PLCH2: variants seen among roughly 807,000 people sequenced by gnomAD.
The protein encoded by PLCH2 is 1-phosphatidylinositol 4,5-bisphosphate phosphodiesterase eta-2.
Under a neutral mutation model 134.7 loss-of-function variants are expected in PLCH2, and 98 were observed. The ratio of observed to expected loss-of-function variants is 0.73; its 90% CI spans 0.62 to 0.86. The LOEUF is 0.86. Among genes scored for constraint, PLCH2 ranks in the 40% least tolerant of loss-of-function variants. The probability of loss-of-function intolerance (pLI) is 0.00; values close to 1 mark genes in which losing one functional copy is unlikely to be tolerated. For missense variants in PLCH2, 1,994 were observed against 1,986.6 expected (o/e 1.00, Z -0.07); for synonymous variants, 974 against 827.5 (o/e 1.18, Z -3.04).
At position 2,479,815 on chromosome 1, in the gene PLCH2, C is replaced by T; in HGVS notation, c.353C>T (p.Pro118Leu). Residue 118 changes from proline (P) to leucine (L), a missense_variant, in exon 3 of 22, where the codon CCC (proline) becomes CTC (leucine). Physicochemically the swap from Pro to Leu is moderately conservative, Grantham distance 98 (BLOSUM62 -3). Transcript: ENST00000378486. ...FQRYPDGSFD[P>L]NCCFSIYHGS... ...CGCTACCCTGACGGCAGCTTCGACC[C>T]CAACTGCTGCTTCAGCATCTACCAC... 1 of 1,602,256 alleles carries T rather than the reference C, an allele frequency of 6.2e-7. No homozygotes were observed. The highest frequency in any genetic ancestry group is 8.5e-7 in the Non-Finnish European group (1 of 1,175,298).
intron 20 of PLCH2, chr1:2,499,927 G>A (rs1264487709): frequency 3.3e-6 from 2 of 610,226 alleles, no homozygotes; most frequent in Admixed American, 2.6e-5. Context: ...TCTGATCTCA[G>A]GGCTGGCTTT....
chr1:2,477,326 C>T (rs975936135), intron 1 of PLCH2, among the ~76,000 whole-genome samples: 6 of 152,150 alleles, frequency 3.9e-5, no homozygotes, highest in Non-Finnish European at 8.8e-5. Context: ...TGCGTCTTCA[C>T]CTCCCATGTG....
intron 4 of PLCH2, 82 bp downstream of exon 4, chr1:2,480,394 C>G (rs1641899628): frequency 1.4e-6 from 2 of 1,475,084 alleles, no homozygotes; most frequent in African/African-American, 2.8e-5. Context: ...GCCTGCCAGC[C>G]CTGACTGAGC....
intron 1 of PLCH2, among the ~76,000 whole-genome samples, chr1:2,426,984 G>A (rs1638828935): frequency 6.6e-6 from 1 of 152,242 alleles, no homozygotes; most frequent in Non-Finnish European, 1.5e-5. Context: ...GGGGAGGACT[G>A]TGGGCAGCCA....
chr1:2,427,257 G>T (rs991326124), intron 1 of PLCH2, among the ~76,000 whole-genome samples: 3 of 152,176 alleles, frequency 2.0e-5, no homozygotes, highest in African/African-American at 7.2e-5. Flanking sequence ...GCGCCCTGGG[G>T]CCAGGAGGGC....
At chr1:2,493,087 C>G (rs1468743488) in intron 11 of PLCH2, 1 of 152,232 alleles carries the variant, frequency 6.6e-6, no homozygotes, top group Admixed American at 6.5e-5. Flanking sequence ...CCACCACCAT[C>G]CAGGCCCCCT....
chr1:2,498,925 C>G lies in PLCH2; in HGVS notation c.2434+97C>G. ...TGCCCGGGTGCCCTGCCCAGGCCTC[C>G]CTCAGTGACAGTCCTGGGCGCCCTC... is the stretch of plus-strand genomic sequence containing the variant. On this transcript the variant is annotated intron_variant, in intron 18 of 21. Transcript: ENST00000378486. This position sits in a 1 kb window ranked among gnomAD's most constrained non-coding sequence, Gnocchi z 5.4. 2 of 1,334,948 alleles carry G rather than the reference C, an allele frequency of 1.5e-6. No homozygotes were observed. The highest frequency in any genetic ancestry group is 2.5e-5 in the South Asian group (2 of 78,770). 82.7% of individuals were successfully genotyped at this position (1,334,948 alleles called of 1,614,324 possible).
Position 2,490,191 on chromosome 1 carries a change from A to AGGTG in PLCH2, c.1515+324_1515+325insGGTG, listed in dbSNP as rs1642497394. Among the ~76,000 whole-genome samples, 7 of 152,110 alleles carry AGGTG rather than the reference A, an allele frequency of 4.6e-5. No individual in the cohort carries two copies. The South Asian group carries it at 1.4e-3, about 32-fold the overall frequency. ...GGGGCTGGGTCCCACGCCAGACTCC[A>AGGTG]CCCCATTCCCACCAGCACCTGGCCC... On this transcript the variant is annotated intron_variant, in intron 10 of 21. Transcript: ENST00000378486.
intron 1 of PLCH2, among the ~76,000 whole-genome samples, chr1:2,428,832 T>C (rs535747567): frequency 1.3e-5 from 2 of 152,206 alleles, no homozygotes; most frequent in South Asian, 4.2e-4. Flanking sequence ...TGCCTGGGGG[T>C]GAGCCTGGAG....
chr1:2,495,549 C>T lies in PLCH2; in HGVS notation c.1814C>T (p.Ser605Phe). The T allele has an allele frequency of 6.5e-7, 1 of 1,549,508 alleles. No individual in the cohort carries two copies. Among genetic ancestry groups the T allele is most frequent in the Non-Finnish European group, 8.7e-7 (1 of 1,145,988 alleles). ...GAGGAGGGAGATGAGGGTCAGGACT[C>T]CCCGGGAGGCCAGAGCCGAGGGTAG... ...SVEEGDEGQDSPGGQSRGATR... is the reference protein window; with the variant it reads ...SVEEGDEGQDFPGGQSRGATR... The change falls in exon 13 of 22, where the codon TCC becomes TTC. Residue 605 changes from serine (S) to phenylalanine (F), a missense_variant. Transcript: ENST00000378486.
intron 20 of PLCH2, chr1:2,501,024 C>T (rs950449970): frequency 9.2e-5 from 14 of 151,910 alleles, no homozygotes; most frequent in African/African-American, 2.4e-4. Flanking sequence ...CATGCCAGTG[C>T]ATGGGATGAG....
chr1:2,471,791 G>A (rs369882603), upstream of PLCH2, among the ~76,000 whole-genome samples: 1 of 152,154 alleles, frequency 6.6e-6, no homozygotes, highest in Non-Finnish European at 1.5e-5. Context: ...ACACGGACCA[G>A]GAGCCACCCA....
Position 2,504,822 on chromosome 1 carries a change from G to A in PLCH2, c.3860G>A (p.Arg1287Gln), listed in dbSNP as rs769524187. ...AGCCTGGGCCTCCCGGGAGGGACAC[G>A]GCGGGTGTCGGGGCCAGGGGTGAGA... is the stretch of plus-strand genomic sequence containing the variant. ...SHSLGLPGGTRRVSGPGVRRD... is the reference protein window; with the variant it reads ...SHSLGLPGGTQRVSGPGVRRD... Residue 1287 changes from arginine (R) to glutamine (Q), a missense_variant, in exon 22 of 22, where the codon CGG (arginine) becomes CAG (glutamine). This residue lies in a region of PLCH2 where 900 missense variants were observed against 752.3 expected (regional missense o/e 1.20). Transcript: ENST00000378486. The A allele has an allele frequency of 1.2e-5, 19 of 1,609,574 alleles. No homozygotes were observed. Among genetic ancestry groups the A allele is most frequent in the East Asian group, 4.5e-5 (2 of 44,804 alleles).
Position 2,494,849 on chromosome 1 carries a change from G to A in PLCH2, c.1660-7G>A, listed in dbSNP as rs1259126195. On this transcript the variant is annotated splice_polypyrimidine_tract_variant and splice_region_variant and intron_variant, in intron 11 of 21. Coordinates refer to ENST00000378486, the MANE Select transcript of PLCH2 (RefSeq NM_014638.4). ...TCACCTTGTCCCTGTCTCTCCCCTG[G>A]ACTCAGAGCAAGGCTGAAGAGGACG... The A allele has an allele frequency of 3.1e-6, 5 of 1,595,582 alleles. No homozygotes were observed. The highest frequency in any genetic ancestry group is 4.3e-6 in the Non-Finnish European group (5 of 1,169,674).
Position 2,505,368 on chromosome 1 carries a change from G to A in PLCH2, c.*155G>A, listed in dbSNP as rs963178229. On this transcript the variant is annotated 3_prime_UTR_variant, in exon 22 of 22. Coordinates refer to ENST00000378486, the MANE Select transcript of PLCH2 (RefSeq NM_014638.4). ...CTGCCTCCCTCCTGCCCCTGCTCCC[G>A]GGGAGGAAAGGCTAAAGCTGCTGGC... The A allele has an allele frequency of 1.5e-5, 9 of 615,272 alleles. No homozygotes were observed. The highest frequency in any genetic ancestry group is 3.0e-5 in the East Asian group (1 of 33,838). The allele number at this position is 615,272 out of a possible 1,614,324, so 38.1% of individuals were successfully genotyped here.
At chr1:2,494,658 G>A (rs1231253188) in intron 11 of PLCH2, among the ~76,000 whole-genome samples, 198 bp from the exon 12 acceptor site, 6 of 152,172 alleles carry the variant, frequency 3.9e-5, no homozygotes, top group African/African-American at 1.4e-4. Context: ...CTCTGCCCCA[G>A]GGTGGACTGG....
intron 20 of PLCH2, chr1:2,501,496 C>G (rs1643223986): frequency 6.6e-6 from 1 of 152,226 alleles, no homozygotes; most frequent in South Asian, 2.1e-4. Context: ...GAGTGGAGGG[C>G]AGGGCAAGAC....
Position 2,444,217 on chromosome 1 carries a change from G to A in PLCH2, c.115+13588G>A, listed in dbSNP as rs1190522735. 6.6e-6 allele frequency among the ~76,000 whole-genome samples: 1 copy of A among 152,212 alleles called. No individual in the cohort carries two copies. Among genetic ancestry groups the A allele is most frequent in the Non-Finnish European group, 1.5e-5 (1 of 68,026 alleles). On this transcript the variant is annotated intron_variant, in intron 2 of 3. Coordinates refer to the PLCH2 transcript ENST00000609981. This position sits in a 1 kb window ranked among gnomAD's most constrained non-coding sequence, Gnocchi z 4.6. Reference sequence around the variant, plus strand: ...GTGAGGGATCTGGGGGCCGCCCCTCGGCAAACTTTCCTTCCCCGGGCTTCT... The same window carrying A: ...GTGAGGGATCTGGGGGCCGCCCCTCAGCAAACTTTCCTTCCCCGGGCTTCT...
At chr1:2,471,445 C>T (rs1012526650), upstream of PLCH2, among the ~76,000 whole-genome samples, 2 of 152,236 alleles carry the variant, frequency 1.3e-5, no homozygotes, top group African/African-American at 4.8e-5. Context: ...GGTCCAGTGG[C>T]CTCAAGTTCC....
Sources: gnomAD v4.1 joint callset for allele counts (sites outside exome capture counted in the v4.1 genomes callset) on GRCh38, gnomAD v4.1.1 for gene constraint, gnomAD v4.1.1 regional missense constraint, Gnocchi (gnomAD v3.1) non-coding constraint, MANE v1.5 for transcripts, NCBI Gene and HGNC (gene_info 2026-07-23, HGNC 2026-07-21) for gene names.